Variants in EIF3L observed in about 807,000 individuals in gnomAD.
The protein encoded by EIF3L is eukaryotic translation initiation factor 3 subunit L, also known as eIEF associated protein HSPC021.
A neutral mutation model predicts 74.6 loss-of-function variants in EIF3L; 32 were observed. The ratio of observed to expected loss-of-function variants is 0.43; its 90% confidence interval spans 0.32 to 0.58. The LOEUF (loss-of-function observed/expected upper bound fraction) is 0.58, where lower values mean the gene tolerates loss of function less well. EIF3L is among the 20% of genes least tolerant of loss of function. EIF3L has a pLI of 0.06. For synonymous variants in EIF3L, 256 were observed against 254.4 expected (o/e 1.01, Z -0.06); for missense variants, 474 against 707.8 (o/e 0.67, Z 3.75).
At chr22:37,868,802 C>G (rs1256300750) in intron 7 of EIF3L, among the ~76,000 whole-genome samples, 1 of 151,916 alleles carries the variant, frequency 6.6e-6, no homozygotes, top group African/African-American at 2.4e-5. Flanking sequence ...ATCACTGTAC[C>G]TGGCTAGTTT....
chr22:37,888,291 G>A (rs1927425804), intron 12 of EIF3L, 135 bp from the exon 13 acceptor site: 1 of 821,404 alleles, frequency 1.2e-6, no homozygotes, highest in East Asian at 2.5e-5. Flanking sequence ...CACACACATA[G>A]TGGACACCCA....
Position 37,865,302 on chromosome 22 carries a change from A to G in EIF3L, c.579+1957A>G, listed in dbSNP as rs376598107. On this transcript the variant is annotated intron_variant, in intron 7 of 12. Transcript: ENST00000652021. ...ACAATGGTGAAACCCCATCTCTACT[A>G]AAAAAAAAACAGCTGGGCGTGGTGG... Among the ~76,000 whole-genome samples, 9 of 147,600 alleles carry G rather than the reference A, an allele frequency of 6.1e-5. No individual in the cohort carries two copies. The East Asian group carries it at 1.4e-3, about 23-fold the overall frequency.
At chr22:37,850,364 C>A (rs181118732) in intron 2 of EIF3L, among the ~76,000 whole-genome samples, 111 of 152,130 alleles carry the variant, frequency 7.3e-4, no homozygotes, top group African/African-American at 2.6e-3. Context: ...GATGGAGTTT[C>A]CCTCTGTCCC....
At chr22:37,862,152 T>C (rs1164500709) in intron 5 of EIF3L, among the ~76,000 whole-genome samples, 1 of 152,216 alleles carries the variant, frequency 6.6e-6, no homozygotes, top group Non-Finnish European at 1.5e-5. Flanking sequence ...TCTTACTTCA[T>C]TGTGACTAGT....
intron 2 of EIF3L, chr22:37,850,713 C>T (rs1174828423): frequency 1.2e-5 from 2 of 161,678 alleles, no homozygotes; most frequent in African/African-American, 4.8e-5. Context: ...TAGGAGGTGT[C>T]TGAGGTTTCC....
At chr22:37,863,431 G>C in intron 7 of EIF3L, 86 bp downstream of exon 7, 1 of 1,163,490 alleles carries the variant, frequency 8.6e-7, no homozygotes, top group Non-Finnish European at 1.3e-6. Flanking sequence ...AAAGCTGCAG[G>C]GTGTAAAAAT....
chr22:37,873,878 T>C (rs867426627), intron 8 of EIF3L, among the ~76,000 whole-genome samples: 38 of 152,328 alleles, frequency 2.5e-4, no homozygotes, highest in African/African-American at 8.7e-4. Flanking sequence ...CTAGTTCTTT[T>C]AGTGCAAATG....
chr22:37,866,769 A>C (rs1926172626), intron 7 of EIF3L, among the ~76,000 whole-genome samples: 1 of 151,994 alleles, frequency 6.6e-6, no homozygotes, highest in Admixed American at 6.6e-5. Flanking sequence ...CTGGGTGACA[A>C]AGCAAGACTC....
rs759745071 is a variant in EIF3L, at chr22:37,878,125, A to G, written c.1529A>G (p.Asp510Gly). 10 of 1,613,610 alleles carry G rather than the reference A, an allele frequency of 6.2e-6. No homozygotes were observed. In the African/African-American group the frequency reaches 1.3e-4, roughly 22 times the overall value. ...TGGACCAGCGGTATCTCAGCCCTGG[A>G]TGGTGAATTTCAGTCAGCCTCAGAG... ...LVWTSGISAL[D>G]GEFQSASEVD... Residue 510 changes from aspartate to glycine, a missense_variant, in exon 11 of 13, where the codon GAT becomes GGT. Around this residue, in one of 4 missense-constraint regions of EIF3L, gnomAD observed 293 missense variants for 469.1 expected, o/e 0.62. Coordinates refer to ENST00000652021, the MANE Select transcript of EIF3L (RefSeq NM_016091.4).
At chr22:37,849,858 G>C (rs1569108340) in intron 1 of EIF3L, 157 bp from the exon 2 acceptor site, 2 of 754,718 alleles carry the variant, frequency 2.7e-6, no homozygotes, top group Non-Finnish European at 2.3e-6. Context: ...TCTGTTTACT[G>C]TCCCTTTTCT....
At chr22:37,849,634 C>G in intron 1 of EIF3L, 152 bp downstream of exon 1, 1 of 839,592 alleles carries the variant, frequency 1.2e-6, no homozygotes, top group Non-Finnish European at 1.9e-6. Flanking sequence ...GTTCCCGGTC[C>G]CTAGACAACC....
chr22:37,855,672 C>G, intron 4 of EIF3L, 28 bp downstream of exon 4: 1 of 1,590,524 alleles, frequency 6.3e-7, no homozygotes, highest in Non-Finnish European at 8.6e-7. Context: ...ATATCTTGTG[C>G]ACTGAGTGGA....
At chr22:37,883,540 C>T (rs1927170048) in intron 11 of EIF3L, 1 of 151,616 alleles carries the variant, frequency 6.6e-6, no homozygotes, top group Admixed American at 6.6e-5. Flanking sequence ...GAGCTCGCGC[C>T]ACTGCACTCC....
intron 7 of EIF3L, among the ~76,000 whole-genome samples, chr22:37,869,822 G>T (rs1202430749): frequency 1.3e-5 from 2 of 152,146 alleles, no homozygotes; most frequent in Non-Finnish European, 2.9e-5. Context: ...TGGTACAAGA[G>T]CCCCTGTGGT....
chr22:37,877,647 C>G (rs1205348482), intron 10 of EIF3L, 27 bp from the exon 11 acceptor site: 22 of 1,570,542 alleles, frequency 1.4e-5, no homozygotes, highest in Non-Finnish European at 1.9e-5. Context: ...TCATTTGACC[C>G]AGTACCACTC....
chr22:37,862,537 C>T (rs1353227239), intron 5 of EIF3L, among the ~76,000 whole-genome samples: 7 of 152,188 alleles, frequency 4.6e-5, no homozygotes, highest in Non-Finnish European at 8.8e-5. Context: ...GATTTGCAGG[C>T]CCCCTGACCT....
chr22:37,849,828 G>A (rs1925072305), intron 1 of EIF3L, 187 bp from the exon 2 acceptor site: 1 of 651,994 alleles, frequency 1.5e-6, no homozygotes, highest in Non-Finnish European at 2.7e-6. Flanking sequence ...CATTGCACCC[G>A]TAATGTTGTA....
chr22:37,852,880 G>T (rs1925301294), intron 3 of EIF3L, among the ~76,000 whole-genome samples: 1 of 152,118 alleles, frequency 6.6e-6, no homozygotes, highest in African/African-American at 2.4e-5. Flanking sequence ...AGAAAACCTT[G>T]TTCGGAGGTT....
intron 8 of EIF3L, among the ~76,000 whole-genome samples, chr22:37,871,845 A>C (rs1420825345): frequency 7.0e-6 from 1 of 143,190 alleles, no homozygotes; most frequent in Non-Finnish European, 1.5e-5. Flanking sequence ...CTACAGTCTT[A>C]GTGACAGAGC....
Sources: allele counts gnomAD v4.1 joint callset (sites outside exome capture counted in the v4.1 genomes callset), GRCh38; gene constraint gnomAD v4.1.1; regional missense constraint gnomAD v4.1.1; transcripts MANE v1.5; gene names NCBI Gene and HGNC (gene_info 2026-07-23, HGNC 2026-07-21).